The following GRHL2 variants were observed in gnomAD, a reference collection of about 807,000 sequenced individuals.
GRHL2 encodes the protein grainyhead like transcription factor 2, also known as grainyhead-like protein 2 homolog.
In GRHL2, 21 loss-of-function variants were observed where a neutral mutation model predicts 83.8. The observed-to-expected ratio is 0.25, with a 90% CI of 0.18 to 0.36. GRHL2 has a LOEUF of 0.36. Among genes scored for constraint, GRHL2 ranks in the 10% least tolerant of loss-of-function variants. The pLI is 1.00. For synonymous variants in GRHL2, 280 were observed against 278.9 expected, an observed-to-expected ratio of 1.00 and a Z score of -0.04; for missense variants, 623 against 781.8, an observed-to-expected ratio of 0.80 and a Z score of 2.42.
intron 7 of GRHL2, among the ~76,000 whole-genome samples, chr8:101,592,619 G>A (rs552820346): frequency 5.9e-5 from 9 of 152,332 alleles, no homozygotes; most frequent in South Asian, 2.1e-4. Flanking sequence ...ATCTCTGAGA[G>A]TGGACAGAGA....
In GRHL2 at chr8:101,619,881, CTATT is replaced by C. The variant is rs1351312524; in HGVS notation, c.1257+186_1257+189del. On this transcript the variant is annotated intron_variant, in intron 9 of 15. Transcript: ENST00000646743. ...AGATATCTAGGAAGTCTTCAGTCAA[CTATT>C]TTTTTTTTTTTTTTTTAGTTTATCA... 1.6e-4 allele frequency among the ~76,000 whole-genome samples: 19 copies of C among 118,866 alleles called. No homozygotes were observed. The East Asian group carries it at 4.2e-3, about 26-fold the overall frequency. 78.0% of individuals were successfully genotyped at this position (118,866 alleles called of 152,430 possible). A position where few individuals can be genotyped will look rare whatever the true frequency, so the allele number is the denominator to read the frequency against.
At chr8:101,587,592 A>G (rs1385813488) in intron 7 of GRHL2, among the ~76,000 whole-genome samples, 7 of 152,224 alleles carry the variant, frequency 4.6e-5, no homozygotes, top group African/African-American at 1.7e-4. Flanking sequence ...TCATTCTTTC[A>G]TCTCCAATGT....
At chr8:101,542,990 G>A (rs1811186020) in intron 1 of GRHL2, among the ~76,000 whole-genome samples, 1 of 152,164 alleles carries the variant, frequency 6.6e-6, no homozygotes, top group African/African-American at 2.4e-5. Flanking sequence ...TTAGGTTTTG[G>A]AGGTGATGAA....
downstream of GRHL2, among the ~76,000 whole-genome samples, chr8:101,671,064 C>G (rs189472850): frequency 1.3e-4 from 20 of 152,308 alleles, no homozygotes; most frequent in African/African-American, 4.1e-4. Context: ...TACATAGGAA[C>G]AGCTCCGGTC....
At chr8:101,527,741 A>G (rs1445683838) in intron 1 of GRHL2, among the ~76,000 whole-genome samples, 1 of 152,196 alleles carries the variant, frequency 6.6e-6, no homozygotes, top group African/African-American at 2.4e-5. Context: ...AAAGGGATAT[A>G]TGAGTGGAAT....
chr8:101,562,124 C>T (rs2130189206), intron 4 of GRHL2: 2 of 657,530 alleles, frequency 3.0e-6, no homozygotes, highest in Non-Finnish European at 5.7e-6. Context: ...TCTTTGATAT[C>T]CTGAACTTTT....
chr8:101,665,188 C>CCAT (rs1814021737), intron 15 of GRHL2, among the ~76,000 whole-genome samples: 1 of 152,116 alleles, frequency 6.6e-6, no homozygotes. Context: ...AGATTTGAAC[C>CCAT]CATCTGTGTC....
chr8:101,539,665 T>A (rs1417268400), intron 1 of GRHL2, among the ~76,000 whole-genome samples: 2 of 152,214 alleles, frequency 1.3e-5, no homozygotes, highest in African/African-American at 4.8e-5. Context: ...TAATGGACTC[T>A]CCAAAATAAA....
intron 1 of GRHL2, among the ~76,000 whole-genome samples, chr8:101,524,797 T>TA (rs541961613): frequency 9.3e-5 from 14 of 150,064 alleles, no homozygotes; most frequent in Admixed American, 2.7e-4. Context: ...ATACTGGCTT[T>TA]AAAAAAAAAA....
At chr8:101,659,581 TCCTTCATC>T (rs1205747589) in intron 14 of GRHL2, among the ~76,000 whole-genome samples, 2 of 152,356 alleles carry the variant, frequency 1.3e-5, no homozygotes, top group African/African-American at 4.8e-5. Context: ...GGGTTCTTTT[TCCTTCATC>T]CCTTCAGCAA....
chr8:101,557,277 T>G (rs1341995840), intron 3 of GRHL2, among the ~76,000 whole-genome samples: 1 of 146,390 alleles, frequency 6.8e-6, no homozygotes, highest in East Asian at 2.0e-4. Context: ...CAGGTTGGAT[T>G]GCAGTGGTGT....
intron 12 of GRHL2, among the ~76,000 whole-genome samples, chr8:101,640,630 C>A (rs929434239): frequency 6.6e-6 from 1 of 152,156 alleles, no homozygotes; most frequent in Non-Finnish European, 1.5e-5. Context: ...TTCTTGGAAA[C>A]CCCTCTTGCC....
intron 14 of GRHL2, among the ~76,000 whole-genome samples, 195 bp from the exon 15 acceptor site, chr8:101,664,259 G>A (rs1488703791): frequency 1.3e-5 from 2 of 152,158 alleles, no homozygotes; most frequent in Non-Finnish European, 1.5e-5. Flanking sequence ...CCATGAGGCT[G>A]GGTTTTTTGT....
rs910991079 is a variant in GRHL2, at chr8:101,598,187, C to T, written c.1004-870C>T. 1.3e-5 allele frequency among the ~76,000 whole-genome samples: 2 copies of T among 151,690 alleles called. 1 individual carries two copies. Among genetic ancestry groups the T allele is most frequent in the South Asian group, 4.2e-4 (2 of 4,808 alleles). On this transcript the variant is annotated intron_variant, in intron 7 of 15. Coordinates refer to ENST00000646743, the MANE Select transcript of GRHL2 (RefSeq NM_024915.4). ...AATAAAGTCATAAAATAAGAGAAGG[C>T]CTTGAATAGACCAACTATGATTAAC...
intron 1 of GRHL2, among the ~76,000 whole-genome samples, chr8:101,509,088 CCTTT>C (rs146135095): frequency 1.1e-4 from 16 of 141,398 alleles, no homozygotes; most frequent in Non-Finnish European, 9.1e-5. Context: ...TGTTTGTTTT[CCTTT>C]CTTTCTTTCT....
At chr8:101,579,580 A>G (rs1164750582) in intron 7 of GRHL2, among the ~76,000 whole-genome samples, 1 of 152,166 alleles carries the variant, frequency 6.6e-6, no homozygotes, top group Non-Finnish European at 1.5e-5. Context: ...TGAGACATGA[A>G]TTTTCTGAGC....
intron 8 of GRHL2, among the ~76,000 whole-genome samples, chr8:101,601,189 C>CA (rs57471873): frequency 1.1e-4 from 16 of 149,766 alleles, no homozygotes; most frequent in African/African-American, 3.7e-4. Flanking sequence ...CACACACACA[C>CA]CCCACCACCA....
chr8:101,594,481 G>T (rs747993019), intron 7 of GRHL2, among the ~76,000 whole-genome samples: 57 of 152,236 alleles, frequency 3.7e-4, no homozygotes, highest in Non-Finnish European at 5.3e-4. Context: ...ACTCACCCAA[G>T]GACATTCACC....
At chr8:101,647,156 G>A (rs1242124757) in intron 13 of GRHL2, among the ~76,000 whole-genome samples, 3 of 152,150 alleles carry the variant, frequency 2.0e-5, no homozygotes, top group African/African-American at 7.2e-5. Flanking sequence ...AGGCTGAGGC[G>A]GGTGGATCAC....
Sources: allele counts gnomAD v4.1 joint callset (sites outside exome capture counted in the v4.1 genomes callset), GRCh38; gene constraint gnomAD v4.1.1; transcripts MANE v1.5; gene names NCBI Gene and HGNC (gene_info 2026-07-23, HGNC 2026-07-21).